Variants in OTUD7A observed in about 807,000 individuals in gnomAD.
OTUD7A encodes OTU domain-containing protein 7A.
A neutral mutation model predicts 65.7 loss-of-function variants in OTUD7A; 12 were observed. That is an observed-to-expected ratio of 0.18 (90% CI 0.12 to 0.30). The LOEUF is 0.30. Among genes scored for constraint, OTUD7A ranks in the 10% least tolerant of loss-of-function variants. The pLI is 1.00. For missense variants in OTUD7A, 1,148 were observed against 1,304.8 expected, an observed-to-expected ratio of 0.88 and a Z score of 1.85; for synonymous variants, 641 against 586.3, an observed-to-expected ratio of 1.09 and a Z score of -1.35.
intron 1 of OTUD7A, among the ~76,000 whole-genome samples, chr15:31,828,996 T>C (rs1160588896): frequency 6.6e-6 from 1 of 152,174 alleles, no homozygotes; most frequent in Non-Finnish European, 1.5e-5. Context: ...CTCATTTCCT[T>C]TTGCATTTGA....
At chr15:31,659,037 GAATGAATAAATAAATA>G (rs1263622516) in intron 1 of OTUD7A, among the ~76,000 whole-genome samples, 9 of 118,568 alleles carry the variant, frequency 7.6e-5, no homozygotes, top group South Asian at 2.5e-4. Context: ...ATGAATGAAT[GAATGAATAAATAAATA>G]AATAAATAAA....
chr15:31,851,657 T>C (rs1354337680), intron 1 of OTUD7A, among the ~76,000 whole-genome samples: 1 of 152,234 alleles, frequency 6.6e-6, no homozygotes, highest in Non-Finnish European at 1.5e-5. Flanking sequence ...TCATTTGAAC[T>C]AATCCTTTGG....
At chr15:31,858,426 AG>A (rs1897634883) in intron 1 of OTUD7A, among the ~76,000 whole-genome samples, 1 of 152,210 alleles carries the variant, frequency 6.6e-6, no homozygotes, top group Admixed American at 6.5e-5. Context: ...TTGGGGCCAG[AG>A]GAAGAGGCAG....
intron 3 of OTUD7A, among the ~76,000 whole-genome samples, chr15:31,647,650 C>A (rs1322825963): frequency 2.0e-5 from 3 of 152,116 alleles, no homozygotes; most frequent in Non-Finnish European, 4.4e-5. Flanking sequence ...CTCCACAGCA[C>A]TAATGGCTAA....
At chr15:31,739,304 A>G (rs1356983134) in intron 1 of OTUD7A, among the ~76,000 whole-genome samples, 6 of 152,140 alleles carry the variant, frequency 3.9e-5, no homozygotes, top group Non-Finnish European at 8.8e-5. Flanking sequence ...ATCCAGTCCA[A>G]TGCTAAAAGT....
intron 1 of OTUD7A, among the ~76,000 whole-genome samples, chr15:31,860,385 C>T (rs1283558928): frequency 6.6e-6 from 1 of 151,686 alleles, no homozygotes; most frequent in African/African-American, 2.4e-5. Flanking sequence ...CTAAGCAATT[C>T]GAGAAAAAAT....
intron 1 of OTUD7A, among the ~76,000 whole-genome samples, chr15:31,707,939 A>AG (rs1392773080): frequency 2.0e-5 from 3 of 152,128 alleles, no homozygotes; most frequent in South Asian, 4.1e-4. Flanking sequence ...CATAAATATA[A>AG]TATATACAAA....
chr15:31,765,956 A>T (rs1025106052), intron 1 of OTUD7A: 2 of 1,372,092 alleles, frequency 1.5e-6, no homozygotes, highest in Non-Finnish European at 2.1e-6. Flanking sequence ...AAAGTTCTGC[A>T]ATTGCAGCTT....
chr15:31,619,772 C>A (rs1020863725), intron 3 of OTUD7A, among the ~76,000 whole-genome samples: 3 of 152,152 alleles, frequency 2.0e-5, no homozygotes, highest in African/African-American at 7.2e-5. Flanking sequence ...TTTCTCCTGC[C>A]TGACTGCCCT....
At chr15:31,761,898 A>G (rs1894974998) in intron 1 of OTUD7A, among the ~76,000 whole-genome samples, 1 of 152,212 alleles carries the variant, frequency 6.6e-6, no homozygotes, top group Admixed American at 6.5e-5. Flanking sequence ...AAGAAGCCAA[A>G]CACCAAAGAT....
At chr15:31,834,030 A>G (rs902277948) in intron 1 of OTUD7A, among the ~76,000 whole-genome samples, 8 of 152,202 alleles carry the variant, frequency 5.3e-5, no homozygotes, top group East Asian at 1.9e-4. Flanking sequence ...AAAGCTTCCT[A>G]TGATGTTTTT....
chr15:31,751,512 T>G (rs1894634965), intron 1 of OTUD7A, among the ~76,000 whole-genome samples: 1 of 152,150 alleles, frequency 6.6e-6, no homozygotes, highest in South Asian at 2.1e-4. Flanking sequence ...TGGAGATGTC[T>G]CAAAGAACTA....
intron 5 of OTUD7A, among the ~76,000 whole-genome samples, chr15:31,549,296 C>G (rs1215171293): frequency 6.6e-6 from 1 of 152,324 alleles, no homozygotes; most frequent in South Asian, 2.1e-4. Context: ...ATGATTTAAT[C>G]TCTCATTCTG....
chr15:31,500,944 A>T (rs891899203), intron 10 of OTUD7A, among the ~76,000 whole-genome samples: 2 of 152,256 alleles, frequency 1.3e-5, no homozygotes, highest in Non-Finnish European at 2.9e-5. Context: ...TCAGTAGCTA[A>T]CATGAGAAAA....
At chr15:31,638,563 T>G (rs771168980) in intron 3 of OTUD7A, among the ~76,000 whole-genome samples, 11 of 92,352 alleles carry the variant, frequency 1.2e-4, no homozygotes, top group Non-Finnish European at 1.7e-4. Context: ...TAGGTTTTTG[T>G]TTTTTTTTTT....
chr15:31,682,663 A>G (rs1892745326), intron 1 of OTUD7A, among the ~76,000 whole-genome samples: 1 of 152,224 alleles, frequency 6.6e-6, no homozygotes, highest in Non-Finnish European at 1.5e-5. Flanking sequence ...AGTAAACTCA[A>G]TCTACATCTT....
chr15:31,823,063 C>T (rs781522474), intron 1 of OTUD7A, among the ~76,000 whole-genome samples: 34 of 152,336 alleles, frequency 2.2e-4, no homozygotes, highest in Middle Eastern at 6.8e-3. Flanking sequence ...CAGCTACATG[C>T]TGAAAACTTT....
chr15:31,488,984 T>C (rs2041279656), intron 10 of OTUD7A, among the ~76,000 whole-genome samples: 1 of 152,214 alleles, frequency 6.6e-6, no homozygotes, highest in Admixed American at 6.5e-5. Context: ...TGCAGCCTGC[T>C]GGGTTCTGCC....
chr15:31,839,166 G>C (rs1897127228), intron 1 of OTUD7A, among the ~76,000 whole-genome samples: 1 of 152,234 alleles, frequency 6.6e-6, no homozygotes, highest in Non-Finnish European at 1.5e-5. Context: ...GAAACACCAT[G>C]CTGGGGAAAG....
Sources: allele counts gnomAD v4.1 joint callset (sites outside exome capture counted in the v4.1 genomes callset), GRCh38; gene constraint gnomAD v4.1.1; transcripts MANE v1.5; gene names NCBI Gene and HGNC (gene_info 2026-07-23, HGNC 2026-07-21).